SCAF4: variants seen among roughly 807,000 people sequenced by gnomAD.
SCAF4 encodes SR-related CTD associated factor 4.
In SCAF4, 25 loss-of-function variants were observed where a neutral mutation model predicts 129.8. The observed-to-expected ratio is 0.19, with a 90% CI of 0.14 to 0.27. The LOEUF (loss-of-function observed/expected upper bound fraction) is 0.27. Among genes scored for constraint, SCAF4 ranks in the 10% least tolerant of loss-of-function variants. The pLI is 1.00. For missense variants in SCAF4, 1,246 were observed against 1,457.1 expected (o/e 0.86, Z 2.36); for synonymous variants, 551 against 497.7 (o/e 1.11, Z -1.43).
chr21:31,674,600 A>G (rs1324682211), intron 19 of SCAF4, among the ~76,000 whole-genome samples: 1 of 152,186 alleles, frequency 6.6e-6, no homozygotes, highest in Non-Finnish European at 1.5e-5. Context: ...CAGTTATATT[A>G]AAAACACATT....
intron 1 of SCAF4, 61 bp downstream of exon 1, chr21:31,731,602 G>T: frequency 6.4e-7 from 1 of 1,561,758 alleles, no homozygotes; most frequent in South Asian, 1.1e-5. Flanking sequence ...CCGGCGGCGG[G>T]AGAAACGAGC....
intron 19 of SCAF4, among the ~76,000 whole-genome samples, chr21:31,675,758 T>A (rs1348915566): frequency 6.6e-6 from 1 of 152,112 alleles, no homozygotes; most frequent in Non-Finnish European, 1.5e-5. Context: ...CTGTAAATAT[T>A]TCCTATGACG....
intron 1 of SCAF4, among the ~76,000 whole-genome samples, chr21:31,727,357 C>T (rs1210590621): frequency 6.6e-6 from 1 of 151,950 alleles, no homozygotes; most frequent in Non-Finnish European, 1.5e-5. Flanking sequence ...GAATTACAGG[C>T]GTAAGCCACC....
At chr21:31,709,541 T>G (rs2050750113) in intron 1 of SCAF4, among the ~76,000 whole-genome samples, 2 of 152,124 alleles carry the variant, frequency 1.3e-5, no homozygotes, top group African/African-American at 4.8e-5. Flanking sequence ...CAAATGAACA[T>G]ACAAGACAGA....
chr21:31,687,054 G>C (rs1368271711), intron 16 of SCAF4, among the ~76,000 whole-genome samples: 1 of 152,182 alleles, frequency 6.6e-6, no homozygotes, highest in African/African-American at 2.4e-5. Context: ...TTGCCAACTA[G>C]GGGAGTCCAT....
intron 16 of SCAF4, among the ~76,000 whole-genome samples, chr21:31,686,161 C>T (rs1330988216): frequency 1.3e-5 from 2 of 149,132 alleles, no homozygotes; most frequent in East Asian, 2.0e-4. Flanking sequence ...CGAGATTGCA[C>T]CACTGCACTC....
intron 7 of SCAF4, among the ~76,000 whole-genome samples, chr21:31,699,455 C>G (rs1395768986): frequency 6.6e-6 from 1 of 150,952 alleles, no homozygotes; most frequent in Admixed American, 6.6e-5. Context: ...TCTGTTCAAA[C>G]TGCAGTGTGG....
At chr21:31,716,979 C>CA (rs2050934813) in intron 1 of SCAF4, among the ~76,000 whole-genome samples, 1 of 152,050 alleles carries the variant, frequency 6.6e-6, no homozygotes, top group Non-Finnish European at 1.5e-5. Flanking sequence ...ATTTAACAAA[C>CA]AAAATCCCAA....
intron 19 of SCAF4, among the ~76,000 whole-genome samples, chr21:31,680,723 C>A (rs1430862352): frequency 6.6e-6 from 1 of 152,156 alleles, no homozygotes; most frequent in East Asian, 1.9e-4. Flanking sequence ...CAGTGGCTAA[C>A]TAGTGCATTA....
chr21:31,693,873 T>C (rs2050318118), intron 11 of SCAF4, among the ~76,000 whole-genome samples: 1 of 152,226 alleles, frequency 6.6e-6, no homozygotes, highest in Admixed American at 6.5e-5. Context: ...CTGTGATCTT[T>C]CCACTTTTGC....
chr21:31,692,144 A>G (rs1380344415), intron 13 of SCAF4: 1 of 591,884 alleles, frequency 1.7e-6, no homozygotes, highest in Non-Finnish European at 3.0e-6. Context: ...TTGAAATTAA[A>G]CTTGGTTATC....
chr21:31,717,287 T>C lies in SCAF4; in HGVS notation c.31-10930A>G, dbSNP rs551977128. 2.6e-5 allele frequency among the ~76,000 whole-genome samples: 4 copies of C among 152,244 alleles called. No individual in the cohort carries two copies. In the South Asian group the frequency reaches 8.3e-4, roughly 32 times the overall value. On this transcript the variant is annotated intron_variant, in intron 1 of 19. Coordinates refer to ENST00000286835, the MANE Select transcript of SCAF4 (RefSeq NM_020706.2). The stretch of plus-strand genomic sequence containing the variant: ...ATTCTCAAATTTTCCACAATAATTA[T>C]TGAGAAAATGACAGAGAATTTCATG...
chr21:31,701,665 A>C, intron 6 of SCAF4, 111 bp downstream of exon 6: 1 of 1,170,820 alleles, frequency 8.5e-7, no homozygotes, highest in South Asian at 1.8e-5. Context: ...TCTAGTTGAA[A>C]AGCAGACGTA....
At chr21:31,674,326 T>A (rs1175635563) in intron 19 of SCAF4, among the ~76,000 whole-genome samples, 1 of 152,218 alleles carries the variant, frequency 6.6e-6, no homozygotes, top group Non-Finnish European at 1.5e-5. Context: ...TTATAAAGAA[T>A]TGCCTACTTG....
chr21:31,691,672 T>TAAA lies in SCAF4; in HGVS notation c.1728+142_1728+144dup, dbSNP rs5843527. ...TGGAGTTCTTTTAGGAAATATTCTT[T>TAAA]AAAAAAAAAAAAAAAAAAAGATGCA... On this transcript the variant is annotated intron_variant, in intron 14 of 19. Coordinates refer to ENST00000286835, the MANE Select transcript of SCAF4 (RefSeq NM_020706.2). 113 of 280,888 alleles carry TAAA rather than the reference T, an allele frequency of 4.0e-4. 1 individual carries two copies. Among genetic ancestry groups the TAAA allele is most frequent in the South Asian group, 1.0e-3 (7 of 6,918 alleles). The allele number at this position is 280,888 out of a possible 1,614,324, so 17.4% of individuals were successfully genotyped here. A position where few individuals can be genotyped will look rare whatever the true frequency, so the allele number is the denominator to read the frequency against.
At chr21:31,682,665 G>A (rs1483525856) in intron 19 of SCAF4, among the ~76,000 whole-genome samples, 5 of 152,124 alleles carry the variant, frequency 3.3e-5, no homozygotes, top group Non-Finnish European at 7.4e-5. Context: ...CTGAAGTTTA[G>A]CATCAACTTC....
intron 19 of SCAF4, among the ~76,000 whole-genome samples, chr21:31,682,259 G>C (rs2050013610): frequency 6.6e-6 from 1 of 151,952 alleles, no homozygotes; most frequent in Non-Finnish European, 1.5e-5. Flanking sequence ...CGCGCCTGTA[G>C]TCCCAGCTAC....
intron 1 of SCAF4, among the ~76,000 whole-genome samples, chr21:31,716,781 G>A (rs760418815): frequency 2.6e-5 from 4 of 152,102 alleles, no homozygotes; most frequent in Non-Finnish European, 5.9e-5. Flanking sequence ...TTTACTAAAT[G>A]TGTGTCTGGG....
intron 1 of SCAF4, among the ~76,000 whole-genome samples, chr21:31,721,801 C>T (rs2051076453): frequency 6.6e-6 from 1 of 151,228 alleles, no homozygotes; most frequent in Non-Finnish European, 1.5e-5. Context: ...ATCTCGGCTC[C>T]TCGCAACCTC....
Sources: gnomAD v4.1 joint callset for allele counts (sites outside exome capture counted in the v4.1 genomes callset) on GRCh38, gnomAD v4.1.1 for gene constraint, MANE v1.5 for transcripts, NCBI Gene and HGNC (gene_info 2026-07-23, HGNC 2026-07-21) for gene names.